GALNT13: variants seen among roughly 807,000 people sequenced by gnomAD.
The protein encoded by GALNT13 is polypeptide N-acetylgalactosaminyltransferase 13.
A neutral mutation model predicts 64.2 loss-of-function variants in GALNT13; 28 were observed. The observed-to-expected ratio is 0.44, with a 90% CI of 0.32 to 0.60. GALNT13 has a LOEUF of 0.60. Among genes scored for constraint, GALNT13 ranks in the 20% least tolerant of loss-of-function variants. GALNT13 has a pLI of 0.05. For synonymous variants in GALNT13, 214 were observed against 224.6 expected, an observed-to-expected ratio of 0.95 and a Z score of 0.42; for missense variants, 577 against 669.8, an observed-to-expected ratio of 0.86 and a Z score of 1.53.
At chr2:154,051,142 G>A (rs1194413734) in intron 3 of GALNT13, among the ~76,000 whole-genome samples, 1 of 152,090 alleles carries the variant, frequency 6.6e-6, no homozygotes, top group Non-Finnish European at 1.5e-5. Context: ...TTGTCTTAGT[G>A]GAAATCAGAA....
At chr2:154,223,573 TC>T (rs1688436590) in intron 4 of GALNT13, among the ~76,000 whole-genome samples, 1 of 150,392 alleles carries the variant, frequency 6.6e-6, no homozygotes, top group Non-Finnish European at 1.5e-5. Flanking sequence ...TGCCTCAGCC[TC>T]CTGAGTAGCA....
the GALNT13 span, among the ~76,000 whole-genome samples, chr2:153,311,613 G>A: frequency 3.9e-5 from 6 of 152,302 alleles, no homozygotes; most frequent in Admixed American, 3.3e-4. Context: ...CCTCCCTCAC[G>A]TGGCTGTTGG....
At chr2:153,192,872 T>A in the GALNT13 span, among the ~76,000 whole-genome samples, 2 of 152,100 alleles carry the variant, frequency 1.3e-5, no homozygotes, top group African/African-American at 4.8e-5. Flanking sequence ...CTGTGTATAG[T>A]CTATATGTCT....
At chr2:153,161,626 TG>T in the GALNT13 span, among the ~76,000 whole-genome samples, 1 of 151,278 alleles carries the variant, frequency 6.6e-6, no homozygotes, top group Non-Finnish European at 1.5e-5. Flanking sequence ...AAAAAACAAG[TG>T]AAGATGCCTG....
chr2:153,167,372 T>G, the GALNT13 span, among the ~76,000 whole-genome samples: 259 of 152,362 alleles, frequency 1.7e-3, 4 homozygotes, highest in African/African-American at 6.0e-3. Flanking sequence ...TCTTTTCCCC[T>G]CTTCACCAGG....
At chr2:153,498,358 C>T in the GALNT13 span, among the ~76,000 whole-genome samples, 14 of 152,354 alleles carry the variant, frequency 9.2e-5, no homozygotes, top group Admixed American at 3.3e-4. Context: ...GGGCTTGTTC[C>T]GCCCTTGAAG....
chr2:154,436,828 G>A (rs529940642), intron 11 of GALNT13: 2 of 152,250 alleles, frequency 1.3e-5, no homozygotes, highest in South Asian at 2.1e-4. Context: ...TCAATTAAAT[G>A]TACTTCACAT....
the GALNT13 span, among the ~76,000 whole-genome samples, chr2:153,629,851 A>G: frequency 6.8e-6 from 1 of 147,840 alleles, no homozygotes; most frequent in Admixed American, 6.7e-5. Context: ...ATGAACAGAC[A>G]CTTCTCAAAA....
intron 3 of GALNT13, among the ~76,000 whole-genome samples, chr2:154,115,360 T>G (rs1574528536): frequency 6.6e-6 from 1 of 152,162 alleles, no homozygotes. Context: ...TGTGCAGGTT[T>G]GTTACATATG....
the GALNT13 span, among the ~76,000 whole-genome samples, chr2:153,436,156 C>T: frequency 4.0e-4 from 61 of 152,278 alleles, no homozygotes; most frequent in Non-Finnish European, 7.8e-4. Context: ...GTTGAACCAG[C>T]CTTGCATCCC....
the GALNT13 span, among the ~76,000 whole-genome samples, chr2:153,108,575 A>G: frequency 1.3e-5 from 2 of 152,156 alleles, no homozygotes; most frequent in African/African-American, 4.8e-5. Flanking sequence ...ATATGTTTAC[A>G]CATACTACCT....
chr2:153,405,868 C>A, the GALNT13 span, among the ~76,000 whole-genome samples: 1 of 152,104 alleles, frequency 6.6e-6, no homozygotes, highest in Non-Finnish European at 1.5e-5. Flanking sequence ...TTAAAACTTA[C>A]CCCAGGAGCT....
intron 10 of GALNT13, among the ~76,000 whole-genome samples, chr2:154,403,273 T>A (rs189463152): frequency 0.1 from 15,299 of 151,924 alleles, 928 homozygotes; most frequent in Non-Finnish European, 0.14. Context: ...GCCAGCATGG[T>A]AAAACCGCAT....
intron 12 of GALNT13, among the ~76,000 whole-genome samples, chr2:154,449,553 G>A (rs542202358): frequency 1.3e-5 from 2 of 149,882 alleles, no homozygotes; most frequent in South Asian, 2.1e-4. Context: ...CAAATACTTC[G>A]CTTCTGGTTG....
intron 3 of GALNT13, among the ~76,000 whole-genome samples, chr2:154,085,079 G>T (rs892597480): frequency 2.0e-5 from 3 of 151,870 alleles, no homozygotes; most frequent in African/African-American, 7.2e-5. Context: ...CTATATTTAT[G>T]TTCCTACTGA....
At chr2:153,145,791 T>C in the GALNT13 span, among the ~76,000 whole-genome samples, 1 of 151,884 alleles carries the variant, frequency 6.6e-6, no homozygotes, top group South Asian at 2.1e-4. Flanking sequence ...CCATGAAGGA[T>C]AGTATTGTAT....
the GALNT13 span, among the ~76,000 whole-genome samples, chr2:153,101,241 G>T: frequency 0.24 from 36,224 of 152,038 alleles, 4,923 homozygotes; most frequent in Non-Finnish European, 0.32. Context: ...GTGAGCTAGA[G>T]GGTAATATTA....
chr2:153,250,227 A>G, the GALNT13 span, among the ~76,000 whole-genome samples: 2 of 152,236 alleles, frequency 1.3e-5, no homozygotes, highest in Non-Finnish European at 2.9e-5. Context: ...GGCAAAGGAT[A>G]TGAACAGACA....
At chr2:153,256,372 A>AT in the GALNT13 span, among the ~76,000 whole-genome samples, 1 of 151,892 alleles carries the variant, frequency 6.6e-6, no homozygotes, top group Admixed American at 6.6e-5. Flanking sequence ...ATTCGTCTAA[A>AT]TTTTTTTCAA....
Sources: gnomAD v4.1 joint callset for allele counts (sites outside exome capture counted in the v4.1 genomes callset) on GRCh38, gnomAD v4.1.1 for gene constraint, MANE v1.5 for transcripts, NCBI Gene and HGNC (gene_info 2026-07-23, HGNC 2026-07-21) for gene names.